Variants in PZP observed in about 807,000 individuals in gnomAD.
The protein encoded by PZP is PZP alpha-2-macroglobulin like.
PZP carries 150 observed loss-of-function variants against 179.8 expected under a neutral mutation model. That is an observed-to-expected ratio of 0.83 (90% CI 0.73 to 0.96). The LOEUF is 0.96. Among genes scored for constraint, PZP ranks in the 40% least tolerant of loss-of-function variants. The pLI is 0.00. For missense variants in PZP, 1,689 were observed against 1,764.0 expected, an observed-to-expected ratio of 0.96 and a Z score of 0.76; for synonymous variants, 624 against 652.3, an observed-to-expected ratio of 0.96 and a Z score of 0.66.
At chr12:9,198,465 T>TA (rs1943963748) in intron 7 of PZP, among the ~76,000 whole-genome samples, 1 of 152,102 alleles carries the variant, frequency 6.6e-6, no homozygotes, top group African/African-American at 2.4e-5. Context: ...ATGAATTGAA[T>TA]AAAAATAAGT....
intron 11 of PZP, among the ~76,000 whole-genome samples, chr12:9,193,845 A>G (rs958330505): frequency 3.9e-5 from 6 of 152,218 alleles, no homozygotes; most frequent in African/African-American, 1.2e-4. Flanking sequence ...GATTTTTTTC[A>G]TACTATATAA....
At chr12:9,142,263 A>G in the PZP span, among the ~76,000 whole-genome samples, 1 of 152,236 alleles carries the variant, frequency 6.6e-6, no homozygotes, top group Non-Finnish European at 1.5e-5. Flanking sequence ...TTCACTAAAT[A>G]GTTCAAGATG....
At position 9,202,348 on chromosome 12, in the gene PZP, C is replaced by A. The variant is rs1944213111; in HGVS notation, c.451G>T (p.Asp151Tyr). 2 of 1,614,000 alleles carry A rather than the reference C, an allele frequency of 1.2e-6. No individual in the cohort carries two copies. The highest frequency in any genetic ancestry group is 2.7e-5 in the African/African-American group (2 of 74,914). The change falls in exon 4 of 36, where the codon GAT becomes TAT. Residue 151 changes from aspartate (D) to tyrosine (Y), a missense_variant. By Grantham distance (160) the Asp-to-Tyr change is radical. Around this residue, in one of 3 missense-constraint regions of PZP, gnomAD observed 742 missense variants for 730.5 expected, o/e 1.02. Coordinates refer to ENST00000261336, the MANE Select transcript of PZP (RefSeq NM_002864.3). ...TCATTTCGAGGGCGAAAATTTTCAT[C>A]CACGGAGACAACACGGAATCTTACT... ...QTVRFRVVSVDENFRPRNELI... is the reference protein window; with the variant it reads ...QTVRFRVVSVYENFRPRNELI...
chr12:9,202,719 T>G, intron 2 of PZP, 35 bp from the exon 3 acceptor site: 2 of 1,589,308 alleles, frequency 1.3e-6, no homozygotes, highest in Non-Finnish European at 1.7e-6. Flanking sequence ...ACTGAGGAAC[T>G]GTGCAGTCTT....
At chr12:9,164,010 G>GA (rs762999559) in intron 20 of PZP, 123 bp downstream of exon 20, 36 of 1,355,122 alleles carry the variant, frequency 2.7e-5, no homozygotes, top group East Asian at 7.0e-5. Flanking sequence ...ATAGAAATAG[G>GA]AAAAAAAACT....
In PZP at chr12:9,150,581, A is replaced by G. The variant is rs148854919; in HGVS notation, c.4384+63T>C. The G allele has an allele frequency of 1.5e-3, 1,606 of 1,092,732 alleles. 3 individuals carry two copies. Among genetic ancestry groups the G allele is most frequent in the Non-Finnish European group, 2.0e-3 (1,427 of 726,720 alleles). 67.7% of individuals were successfully genotyped at this position (1,092,732 alleles called of 1,614,324 possible). A position where few individuals can be genotyped will look rare whatever the true frequency, so the allele number is the denominator to read the frequency against. On this transcript the variant is annotated intron_variant, in intron 34 of 35. Transcript: ENST00000261336. ...ACTAAGTGGGCTAAGAAGAGGATCA[A>G]CTGTCACAACAGGATCCATTTCTTG... is the stretch of plus-strand genomic sequence containing the variant.
At chr12:9,195,611 ATTTTTTTT>A (rs11398106) in intron 10 of PZP, among the ~76,000 whole-genome samples, 1 of 104,236 alleles carries the variant, frequency 9.6e-6, no homozygotes, top group South Asian at 3.3e-4. Context: ...CCCACTGCTA[ATTTTTTTT>A]TTTTTTTTTT....
chr12:9,137,924 C>G, the PZP span, among the ~76,000 whole-genome samples: 4 of 152,008 alleles, frequency 2.6e-5, no homozygotes, highest in East Asian at 5.8e-4. Flanking sequence ...TAAAATGGAG[C>G]CTTTGGGATT....
At chr12:9,185,707 A>G (rs898928671) in intron 13 of PZP, among the ~76,000 whole-genome samples, 5 of 152,126 alleles carry the variant, frequency 3.3e-5, no homozygotes, top group African/African-American at 1.2e-4. Flanking sequence ...CAAGTCACCT[A>G]CAAAGGGAAG....
the PZP span, among the ~76,000 whole-genome samples, chr12:9,142,248 G>C: frequency 0.023 from 3,465 of 152,018 alleles, 134 homozygotes; most frequent in African/African-American, 0.078. Context: ...TAGAAGTTAG[G>C]GTATTTCACT....
chr12:9,150,899 C>G (rs1429860583), intron 33 of PZP, among the ~76,000 whole-genome samples, 153 bp from the exon 34 acceptor site: 2 of 152,164 alleles, frequency 1.3e-5, no homozygotes, highest in Non-Finnish European at 2.9e-5. Context: ...TAGAATGCAT[C>G]CTTGGGAACT....
intron 19 of PZP, among the ~76,000 whole-genome samples, chr12:9,164,677 G>A (rs748385430): frequency 2.0e-5 from 3 of 152,258 alleles, no homozygotes; most frequent in African/African-American, 4.8e-5. Context: ...AGAGGCTCCC[G>A]ATCTTGAGGA....
rs146981618 is a variant in PZP, at chr12:9,164,563, A to T, written c.2488-304T>A. Among the ~76,000 whole-genome samples the T allele has an allele frequency of 1.5e-3, 223 of 152,302 alleles. 4 individuals are homozygous for T. The South Asian group carries it at 0.045, about 30-fold the overall frequency. On this transcript the variant is annotated intron_variant, in intron 19 of 35. Transcript: ENST00000261336. The stretch of plus-strand genomic sequence containing the variant: ...GCCCTAGGGAATACTATCTGCTGCT[A>T]TGTAGATTTTCATAGTTTCTTCCTT...
At chr12:9,168,632 A>G in intron 17 of PZP, 1 of 417,992 alleles carries the variant, frequency 2.4e-6, no homozygotes, top group Non-Finnish European at 4.2e-6. Context: ...ACAGTACATC[A>G]GAATCTTGTA....
At position 9,153,150 on chromosome 12, in the gene PZP, G is replaced by A. The variant is rs766999902; in HGVS notation, c.3968C>T (p.Thr1323Ile). The A allele has an allele frequency of 1.4e-5, 22 of 1,614,150 alleles. No individual in the cohort carries two copies. The South Asian group carries it at 2.4e-4, about 18-fold the overall frequency. ...ELPGEYVITVTGERCVYLQTS... is the reference protein window; with the variant it reads ...ELPGEYVITVIGERCVYLQTS... The stretch of plus-strand genomic sequence containing the variant: ...CTGAAGATACACACATCTTTCCCCA[G>A]TTACTGTTATGACATATTCTCCAGG... The change falls in exon 30 of 36, where the codon ACT becomes ATT. Residue 1323 changes from threonine (T) to isoleucine (I), a missense_variant. Coordinates refer to ENST00000261336, the MANE Select transcript of PZP (RefSeq NM_002864.3).
intron 35 of PZP, 79 bp from the exon 36 acceptor site, chr12:9,149,073 C>A: frequency 7.6e-7 from 1 of 1,312,824 alleles, no homozygotes; most frequent in Non-Finnish European, 1.1e-6. Flanking sequence ...GCAGAGTGAG[C>A]TTATGCAGGG....
At chr12:9,157,479 T>G (rs1940848573) in intron 27 of PZP, 124 bp from the exon 28 acceptor site, 1 of 899,138 alleles carries the variant, frequency 1.1e-6, no homozygotes, top group Non-Finnish European at 1.7e-6. Context: ...CAGCTAGATA[T>G]TCATCATATT....
Position 9,202,177 on chromosome 12 carries a change from A to C in PZP, c.480+142T>G, listed in dbSNP as rs1944199771. The C allele has an allele frequency of 8.3e-6, 6 of 719,166 alleles. 1 individual carries two copies. The South Asian group carries it at 9.4e-5, about 11-fold the overall frequency. The allele number at this position is 719,166 out of a possible 1,614,324, so 44.5% of individuals were successfully genotyped here. ...TCCCTCAATTTTTGTTTTGTATAAGACTGCAAATCTGTGCTGAGGCTGGAG... is the reference window on the plus strand; with the variant it reads ...TCCCTCAATTTTTGTTTTGTATAAGCCTGCAAATCTGTGCTGAGGCTGGAG... On this transcript the variant is annotated intron_variant, in intron 4 of 35. Transcript: ENST00000261336.
intron 16 of PZP, 85 bp downstream of exon 16, chr12:9,169,345 T>A: frequency 3.9e-6 from 5 of 1,283,762 alleles, no homozygotes; most frequent in Non-Finnish European, 5.3e-6. Flanking sequence ...GGCTACATAA[T>A]TACTAAGATT....
Sources: gnomAD v4.1 joint callset for allele counts (sites outside exome capture counted in the v4.1 genomes callset) on GRCh38, gnomAD v4.1.1 for gene constraint, gnomAD v4.1.1 regional missense constraint, MANE v1.5 for transcripts, NCBI Gene and HGNC (gene_info 2026-07-23, HGNC 2026-07-21) for gene names.